Variants in SPAG16 observed in about 807,000 individuals in gnomAD.
The protein encoded by SPAG16 is sperm associated antigen 16, also known as sperm-associated antigen 16 protein.
Under a neutral mutation model 80.4 loss-of-function variants are expected in SPAG16, and 86 were observed. That is an observed-to-expected ratio of 1.07 (90% confidence interval 0.90 to 1.28). SPAG16 has a LOEUF of 1.28. Among genes scored for constraint, SPAG16 ranks in the 50% most tolerant of loss-of-function variants. The pLI, the probability that SPAG16 is intolerant of heterozygous loss-of-function variation, is 0.00. For missense variants in SPAG16, 870 were observed against 765.3 expected, an observed-to-expected ratio of 1.14 and a Z score of -1.61; for synonymous variants, 294 against 265.9, an observed-to-expected ratio of 1.11 and a Z score of -1.03.
rs1193722638 is a variant in SPAG16 at position 213,296,977 on chromosome 2, T to C, written c.184-285T>C. On this transcript the variant is annotated intron_variant, in intron 2 of 15. Transcript: ENST00000331683. ...AAGAATGGTGATATTTAGATAGCCT[T>C]ATTATTTTTTCAGCAGAATTGTTAG... is the stretch of plus-strand genomic sequence containing the variant. 3 of 1,018,720 alleles carry C rather than the reference T, an allele frequency of 2.9e-6. No homozygotes were observed. In the South Asian group the frequency reaches 4.8e-5, roughly 16 times the overall value. The allele number at this position is 1,018,720 out of a possible 1,614,324, so 63.1% of individuals were successfully genotyped here.
chr2:214,011,550 A>G (rs2047282689), intron 12 of SPAG16, among the ~76,000 whole-genome samples: 1 of 152,198 alleles, frequency 6.6e-6, no homozygotes, highest in African/African-American at 2.4e-5. Context: ...GGAAAGCAGC[A>G]ATAGACAATA....
At chr2:214,050,451 C>T (rs2049582279) in intron 13 of SPAG16, among the ~76,000 whole-genome samples, 2 of 152,052 alleles carry the variant, frequency 1.3e-5, no homozygotes, top group Non-Finnish European at 1.5e-5. Flanking sequence ...CTGATCTGAG[C>T]AACTGAGGCA....
intron 4 of SPAG16, among the ~76,000 whole-genome samples, chr2:213,316,865 A>G (rs1575172089): frequency 6.6e-6 from 1 of 151,912 alleles, no homozygotes; most frequent in African/African-American, 2.4e-5. Flanking sequence ...TTCTTCCTAT[A>G]TCTTTCAGAC....
intron 15 of SPAG16, among the ~76,000 whole-genome samples, chr2:214,220,600 A>G (rs1424183724): frequency 6.6e-5 from 10 of 152,056 alleles, no homozygotes; most frequent in Admixed American, 6.6e-4. Flanking sequence ...TGTACATATC[A>G]CTAATATGGA....
chr2:214,127,832 T>G (rs543582503), intron 14 of SPAG16, among the ~76,000 whole-genome samples: 3 of 151,910 alleles, frequency 2.0e-5, no homozygotes, highest in Admixed American at 1.3e-4. Context: ...TTTTCAAAAC[T>G]CTTTATAAAA....
At chr2:213,350,325 C>T (rs535886570) in intron 6 of SPAG16, among the ~76,000 whole-genome samples, 22 of 152,234 alleles carry the variant, frequency 1.4e-4, no homozygotes, top group African/African-American at 5.1e-4. Context: ...GTGATTTGCT[C>T]CCTCACTGCA....
At chr2:213,933,279 C>A (rs1394513924) in intron 12 of SPAG16, among the ~76,000 whole-genome samples, 1 of 152,136 alleles carries the variant, frequency 6.6e-6, no homozygotes, top group Non-Finnish European at 1.5e-5. Flanking sequence ...AATGACTTAA[C>A]AATGTTGGTC....
At chr2:213,808,692 G>T (rs2071928131) in intron 10 of SPAG16, among the ~76,000 whole-genome samples, 1 of 152,088 alleles carries the variant, frequency 6.6e-6, no homozygotes, top group South Asian at 2.1e-4. Context: ...GTACTGTTTT[G>T]CTTTTGTTTA....
intron 13 of SPAG16, among the ~76,000 whole-genome samples, chr2:214,103,772 C>A (rs2053217915): frequency 1.3e-5 from 2 of 151,662 alleles, no homozygotes; most frequent in Admixed American, 1.3e-4. Context: ...TGTTTATTTT[C>A]TATTCCTCAA....
At chr2:214,304,295 G>T (rs1368705449) in intron 15 of SPAG16, among the ~76,000 whole-genome samples, 1 of 152,180 alleles carries the variant, frequency 6.6e-6, no homozygotes, top group African/African-American at 2.4e-5. Context: ...TGTTCTTGAT[G>T]GCCATAACAC....
At chr2:214,262,871 G>A (rs1691278862) in intron 15 of SPAG16, among the ~76,000 whole-genome samples, 1 of 151,938 alleles carries the variant, frequency 6.6e-6, no homozygotes, top group South Asian at 2.1e-4. Flanking sequence ...CAGTAGTTTT[G>A]ATGTTAAATT....
chr2:214,186,919 G>A (rs924200271), intron 15 of SPAG16, among the ~76,000 whole-genome samples: 3 of 151,924 alleles, frequency 2.0e-5, no homozygotes, highest in Admixed American at 6.6e-5. Flanking sequence ...GCCACCATGC[G>A]AGGCTAATTT....
At chr2:213,861,733 A>G (rs1439658270) in intron 10 of SPAG16, among the ~76,000 whole-genome samples, 7 of 152,196 alleles carry the variant, frequency 4.6e-5, no homozygotes, top group African/African-American at 7.2e-5. Context: ...TTGATTTTAA[A>G]ATAGTTGAGC....
chr2:214,351,564 G>T (rs532318801), intron 15 of SPAG16, among the ~76,000 whole-genome samples: 1 of 152,072 alleles, frequency 6.6e-6, no homozygotes, highest in Admixed American at 6.5e-5. Flanking sequence ...TTAGCCGGGC[G>T]TGGTGGCAGG....
At chr2:213,333,287 A>T (rs1368551715) in intron 5 of SPAG16, among the ~76,000 whole-genome samples, 3 of 152,080 alleles carry the variant, frequency 2.0e-5, no homozygotes, top group Non-Finnish European at 4.4e-5. Flanking sequence ...GATAGGAAGT[A>T]ACAAGCAAAT....
chr2:213,847,779 A>C (rs2074704710), intron 10 of SPAG16, among the ~76,000 whole-genome samples: 1 of 152,176 alleles, frequency 6.6e-6, no homozygotes, highest in South Asian at 2.1e-4. Flanking sequence ...ACACTACAGC[A>C]AACACGGACC....
intron 3 of SPAG16, among the ~76,000 whole-genome samples, chr2:213,301,059 T>C (rs557860299): frequency 1.3e-5 from 2 of 152,268 alleles, no homozygotes; most frequent in East Asian, 3.9e-4. Context: ...ACCATTACTT[T>C]TAACGGAAAA....
intron 10 of SPAG16, among the ~76,000 whole-genome samples, chr2:213,670,137 G>A (rs2125217309): frequency 6.6e-6 from 1 of 152,088 alleles, no homozygotes; most frequent in East Asian, 1.9e-4. Context: ...TGAGACTACA[G>A]GTGCCTGCCA....
At chr2:213,721,257 C>G (rs1002663458) in intron 10 of SPAG16, among the ~76,000 whole-genome samples, 3 of 151,974 alleles carry the variant, frequency 2.0e-5, no homozygotes, top group African/African-American at 7.3e-5. Context: ...TGCCAACCCG[C>G]CCAGCTCATT....
Sources: gnomAD v4.1 joint callset for allele counts (sites outside exome capture counted in the v4.1 genomes callset) on GRCh38, gnomAD v4.1.1 for gene constraint, MANE v1.5 for transcripts, NCBI Gene and HGNC (gene_info 2026-07-23, HGNC 2026-07-21) for gene names.